The following SYBU variants were observed in gnomAD, a reference collection of about 807,000 sequenced individuals.
The protein encoded by SYBU is GOLSYN A protein.
SYBU carries 21 observed loss-of-function variants against 35.9 expected under a neutral mutation model. The ratio of observed to expected loss-of-function variants is 0.58; its 90% CI spans 0.41 to 0.84. The LOEUF is 0.84. Ranked by LOEUF, SYBU falls within the 40% of genes least tolerant of loss-of-function variation. The probability of loss-of-function intolerance (pLI) is 0.00; values close to 1 mark genes in which losing one functional copy is unlikely to be tolerated. For synonymous variants in SYBU, 319 were observed against 324.3 expected (o/e 0.98, Z 0.18); for missense variants, 768 against 848.2 (o/e 0.91, Z 1.17).
At chr8:109,609,922 A>T (rs1162732114) in intron 3 of SYBU, among the ~76,000 whole-genome samples, 1 of 152,188 alleles carries the variant, frequency 6.6e-6, no homozygotes, top group African/African-American at 2.4e-5. Flanking sequence ...TCACCTCATG[A>T]TAATCCAAGC....
chr8:109,679,208 G>C (rs992189201), intron 1 of SYBU, among the ~76,000 whole-genome samples: 1 of 152,068 alleles, frequency 6.6e-6, no homozygotes, highest in African/African-American at 2.4e-5. Flanking sequence ...AACCTACATG[G>C]TCTAAAAAGA....
intron 2 of SYBU, among the ~76,000 whole-genome samples, chr8:109,636,159 T>A (rs1235567392): frequency 6.6e-6 from 1 of 152,180 alleles, no homozygotes; most frequent in African/African-American, 2.4e-5. Context: ...TTCTGTCTCA[T>A]TTCATGCTTT....
intron 4 of SYBU, 38 bp from the exon 5 acceptor site, chr8:109,580,040 G>C (rs371669479): frequency 1.3e-6 from 2 of 1,579,168 alleles, no homozygotes; most frequent in Admixed American, 1.7e-5. Context: ...AATTCTTGGG[G>C]CTACAGATGC....
chr8:109,649,238 G>A (rs912458386), upstream of SYBU, among the ~76,000 whole-genome samples: 5 of 151,758 alleles, frequency 3.3e-5, no homozygotes, highest in African/African-American at 7.3e-5. Flanking sequence ...TCCTGACCTC[G>A]TGATCTGCCC....
intron 2 of SYBU, among the ~76,000 whole-genome samples, chr8:109,636,553 G>A (rs1201622883): frequency 2.0e-5 from 3 of 152,120 alleles, no homozygotes; most frequent in Admixed American, 1.3e-4. Flanking sequence ...ATGTTTTGGC[G>A]AAGGCTTGCA....
At chr8:109,620,367 A>C (rs1490083924) in intron 2 of SYBU, among the ~76,000 whole-genome samples, 1 of 152,210 alleles carries the variant, frequency 6.6e-6, no homozygotes, top group Non-Finnish European at 1.5e-5. Flanking sequence ...TGTGCCATCT[A>C]CCAAAGGCTA....
chr8:109,574,313 T>C lies in SYBU; in HGVS notation c.*593A>G. Reference sequence around the variant, plus strand: ...CAAAATAAGTTAGTACATTGTAAACTTATGCACAGTTTCATCAATTAACAG... The same window carrying C: ...CAAAATAAGTTAGTACATTGTAAACCTATGCACAGTTTCATCAATTAACAG... On this transcript the variant is annotated 3_prime_UTR_variant, in exon 7 of 7. Transcript: ENST00000276646. The C allele has an allele frequency of 6.5e-6, 1 of 152,750 alleles. No individual in the cohort carries two copies. The highest frequency in any genetic ancestry group is 2.4e-5 in the African/African-American group (1 of 41,564). The allele number at this position is 152,750 out of a possible 1,614,324, so 9.5% of individuals were successfully genotyped here.
chr8:109,589,748 C>A (rs1172627962), intron 3 of SYBU, among the ~76,000 whole-genome samples: 1 of 152,170 alleles, frequency 6.6e-6, no homozygotes, highest in Non-Finnish European at 1.5e-5. Context: ...AAACTGATAA[C>A]TAACTAGACT....
At chr8:109,639,826 C>T (rs183646904) in intron 2 of SYBU, among the ~76,000 whole-genome samples, 1 of 152,310 alleles carries the variant, frequency 6.6e-6, no homozygotes, top group African/African-American at 2.4e-5. Flanking sequence ...CTGCCTCCAG[C>T]GTTAACACTC....
intron 4 of SYBU, among the ~76,000 whole-genome samples, chr8:109,583,630 A>C (rs1823283268): frequency 6.6e-6 from 1 of 152,034 alleles, no homozygotes; most frequent in Non-Finnish European, 1.5e-5. Context: ...CTACATGGGG[A>C]AGCAGCCAAT....
rs1563664290 is a variant in SYBU, at chr8:109,574,850, T to G, written c.*56A>C. ...TCACAGATGATTGACTTCCTGTTTCTCTACCTGGCACAACCCACATGGGAC... is the reference window on the plus strand; with the variant it reads ...TCACAGATGATTGACTTCCTGTTTCGCTACCTGGCACAACCCACATGGGAC... On this transcript the variant is annotated 3_prime_UTR_variant, in exon 7 of 7. Coordinates refer to ENST00000276646, the MANE Select transcript of SYBU (RefSeq NM_001099754.2). 2 of 1,486,328 alleles carry G rather than the reference T, an allele frequency of 1.3e-6. No homozygotes were observed. The highest frequency in any genetic ancestry group is 4.6e-5 in the East Asian group (2 of 43,462). 92.1% of individuals were successfully genotyped at this position (1,486,328 alleles called of 1,614,324 possible).
chr8:109,576,022 C>G lies in SYBU; in HGVS notation c.885-9G>C. ...CCACGATTTCACTTTCCCTAGAGTG[C>G]CAAGACAAGCATGGTTAATTAAAAA... On this transcript the variant is annotated splice_polypyrimidine_tract_variant and intron_variant, in intron 6 of 6. Coordinates refer to ENST00000276646, the MANE Select transcript of SYBU (RefSeq NM_001099754.2). The G allele has an allele frequency of 2.9e-6, 4 of 1,369,438 alleles. No homozygotes were observed. The highest frequency in any genetic ancestry group is 4.0e-6 in the Non-Finnish European group (4 of 1,009,494). 84.8% of individuals were successfully genotyped at this position (1,369,438 alleles called of 1,614,324 possible). A position where few individuals can be genotyped will look rare whatever the true frequency, so the allele number is the denominator to read the frequency against.
intron 4 of SYBU, among the ~76,000 whole-genome samples, chr8:109,581,566 A>G (rs1006380794): frequency 6.6e-6 from 1 of 152,264 alleles, no homozygotes; most frequent in Admixed American, 6.5e-5. Context: ...TAAACAGGAT[A>G]AAGTTCTATG....
chr8:109,642,593 T>C, intron 2 of SYBU, 135 bp downstream of exon 2: 1 of 497,752 alleles, frequency 2.0e-6, no homozygotes, highest in Non-Finnish European at 3.3e-6. Flanking sequence ...CAGCCAGAAA[T>C]GTACCACCTT....
chr8:109,629,943 CT>C lies in SYBU; in HGVS notation c.230-10905del, dbSNP rs531674730. On this transcript the variant is annotated intron_variant, in intron 2 of 6. Transcript: ENST00000276646. The stretch of plus-strand genomic sequence containing the variant: ...TGTTTTTTGGCTGCATAAATGTCTT[CT>C]TTTGAGAAGTGTCTGTTCATGTCCT... Among the ~76,000 whole-genome samples the C allele has an allele frequency of 1.5e-3, 235 of 152,004 alleles. 1 individual carries two copies. Among genetic ancestry groups the C allele is most frequent in the African/African-American group, 5.5e-3 (230 of 41,478 alleles).
At chr8:109,656,171 G>T (rs937577399) in intron 1 of SYBU, among the ~76,000 whole-genome samples, 2 of 151,992 alleles carry the variant, frequency 1.3e-5, no homozygotes, top group African/African-American at 4.8e-5. Context: ...ACTTGAAAAT[G>T]GTTACTTTGG....
chr8:109,669,351 A>C (rs865968219), intron 1 of SYBU, among the ~76,000 whole-genome samples: 5 of 150,712 alleles, frequency 3.3e-5, no homozygotes, highest in Middle Eastern at 6.9e-3. Context: ...AAAAAAAAAA[A>C]AAAAAAAAAA....
In SYBU at chr8:109,575,894, T is replaced by G. The variant is rs1407511171; in HGVS notation, c.1004A>C (p.Lys335Thr). 6.2e-7 allele frequency: 1 copy of G among 1,613,892 alleles called. No homozygotes were observed. The change falls in exon 7 of 7, where the codon AAA (lysine) becomes ACA (threonine). Residue 335 changes from lysine (K) to threonine (T), a missense_variant. Lys to Thr is a moderately conservative substitution (Grantham distance 78, BLOSUM62 -1). Transcript: ENST00000276646. ...LALKEARKEIKQLKQVIETMR... is the reference protein window; with the variant it reads ...LALKEARKEITQLKQVIETMR... ...GGTTTCGATGACCTGTTTGAGCTGTTTAATCTCTTTCCTGGCTTCTTTGAG... is the reference window on the plus strand; with the variant it reads ...GGTTTCGATGACCTGTTTGAGCTGTGTAATCTCTTTCCTGGCTTCTTTGAG...
Position 109,575,215 on chromosome 8 carries a change from G to A in SYBU, c.1683C>T (p.Tyr561=), listed in dbSNP as rs201420252. 2.2e-5 allele frequency: 35 copies of A among 1,614,090 alleles called. No homozygotes were observed. In the Admixed American group the frequency reaches 2.5e-4, roughly 12 times the overall value. ...CATGAACTTCTGCATCCACATTGGC[G>A]TAGGGGGTCTCCACGGGAGACAAAA... ...AILLSPVETP[Y]ANVDAEVHAN... The change falls in exon 7 of 7, where the codon TAC becomes TAT. Residue 561 remains tyrosine (Y), a synonymous_variant. Coordinates refer to ENST00000276646, the MANE Select transcript of SYBU (RefSeq NM_001099754.2).
Sources: gnomAD v4.1 joint callset for allele counts (sites outside exome capture counted in the v4.1 genomes callset) on GRCh38, gnomAD v4.1.1 for gene constraint, MANE v1.5 for transcripts, NCBI Gene and HGNC (gene_info 2026-07-23, HGNC 2026-07-21) for gene names.